Variants in SLCO1A2 observed in about 807,000 individuals in gnomAD.
SLCO1A2 encodes OATP-1.
In SLCO1A2, 67 loss-of-function variants were observed where a neutral mutation model predicts 69.0. The ratio of observed to expected loss-of-function variants is 0.97; its 90% CI spans 0.80 to 1.19. The LOEUF (loss-of-function observed/expected upper bound fraction) is 1.19. Among genes scored for constraint, SLCO1A2 ranks in the 50% most tolerant of loss-of-function variants. The pLI is 0.00. For missense variants in SLCO1A2, 787 were observed against 793.7 expected, an observed-to-expected ratio of 0.99 and a Z score of 0.10; for synonymous variants, 260 against 265.9, an observed-to-expected ratio of 0.98 and a Z score of 0.22.
intron 2 of SLCO1A2, among the ~76,000 whole-genome samples, chr12:21,345,027 T>C (rs115309986): frequency 0.011 from 1,652 of 152,068 alleles, 22 homozygotes; most frequent in African/African-American, 0.037. Context: ...GGTGGGTAAA[T>C]GTTACTTTTC....
At chr12:21,283,924 G>C (rs1016648602) in intron 12 of SLCO1A2, among the ~76,000 whole-genome samples, 1 of 152,150 alleles carries the variant, frequency 6.6e-6, no homozygotes, top group East Asian at 1.9e-4. Flanking sequence ...ATACTGGTGA[G>C]TATGTAGAGT....
intron 1 of SLCO1A2, among the ~76,000 whole-genome samples, chr12:21,382,493 T>C (rs1295612775): frequency 6.6e-6 from 1 of 152,004 alleles, no homozygotes; most frequent in African/African-American, 2.4e-5. Context: ...AAAGAAATGA[T>C]AATAAATTTT....
At chr12:21,372,027 G>A (rs1291909066) in intron 2 of SLCO1A2, among the ~76,000 whole-genome samples, 1 of 151,456 alleles carries the variant, frequency 6.6e-6, no homozygotes, top group African/African-American at 2.4e-5. Context: ...AAAAAAGAAA[G>A]AGAGAAAGAA....
chr12:21,415,316 T>C (rs929255806), intron 1 of SLCO1A2, among the ~76,000 whole-genome samples: 3 of 152,164 alleles, frequency 2.0e-5, no homozygotes, highest in African/African-American at 7.2e-5. Flanking sequence ...TGGGTTTTTG[T>C]GAATATATTT....
upstream of SLCO1A2, among the ~76,000 whole-genome samples, chr12:21,338,225 GA>G (rs1235400894): frequency 2.6e-5 from 4 of 151,954 alleles, no homozygotes; most frequent in African/African-American, 9.6e-5. Context: ...GTCTAGTTCT[GA>G]CTCCTCTATG....
chr12:21,338,278 A>G (rs1386645028), upstream of SLCO1A2, among the ~76,000 whole-genome samples: 1 of 151,840 alleles, frequency 6.6e-6, no homozygotes, highest in Non-Finnish European at 1.5e-5. Flanking sequence ...TCTACTGCCT[A>G]ATTGTAGTGA....
rs555578146 is a variant in SLCO1A2, at chr12:21,405,885, T to TA, written c.-312+11996dup. 9.9e-4 allele frequency among the ~76,000 whole-genome samples: 151 copies of TA among 152,322 alleles called. 1 individual carries two copies. Among genetic ancestry groups the TA allele is most frequent in the Middle Eastern group, 3.4e-3 (1 of 294 alleles). ...TGAGTAGCTGTTACCTTGGACAAGT[T>TA]AATTAACCTCATTTTTAAACATATA... is the stretch of plus-strand genomic sequence containing the variant. On this transcript the variant is annotated intron_variant, in intron 1 of 4. Coordinates refer to the SLCO1A2 transcript ENST00000413682.
intron 2 of SLCO1A2, among the ~76,000 whole-genome samples, chr12:21,355,496 A>G (rs1938293739): frequency 6.6e-6 from 1 of 152,152 alleles, no homozygotes; most frequent in African/African-American, 2.4e-5. Flanking sequence ...ATACTGATAC[A>G]AGGCCTAGGA....
intron 2 of SLCO1A2, among the ~76,000 whole-genome samples, chr12:21,339,996 G>A (rs1267272414): frequency 6.6e-6 from 1 of 151,884 alleles, no homozygotes; most frequent in Non-Finnish European, 1.5e-5. Flanking sequence ...AAATTAGCAT[G>A]CAATCAACAT....
At chr12:21,416,384 AC>A (rs1941989031) in intron 1 of SLCO1A2, among the ~76,000 whole-genome samples, 2 of 151,872 alleles carry the variant, frequency 1.3e-5, no homozygotes, top group African/African-American at 4.8e-5. Flanking sequence ...ACACACACAC[AC>A]AAAAGACAAT....
intron 2 of SLCO1A2, among the ~76,000 whole-genome samples, chr12:21,329,502 C>CTTT (rs76903379): frequency 7.0e-6 from 1 of 143,582 alleles, no homozygotes; most frequent in South Asian, 2.2e-4. Flanking sequence ...AATATTTTTG[C>CTTT]TTTTTTTTTT....
chr12:21,378,161 G>C, intron 1 of SLCO1A2: 1 of 1,314,436 alleles, frequency 7.6e-7, no homozygotes, highest in South Asian at 1.2e-5. Context: ...ATCAATACAA[G>C]ATATTTGATG....
chr12:21,338,856 TTTGAG>T (rs1405125729), upstream of SLCO1A2, among the ~76,000 whole-genome samples: 15 of 152,080 alleles, frequency 9.9e-5, no homozygotes, highest in African/African-American at 3.4e-4. Flanking sequence ...AATAAAATGA[TTTGAG>T]TTTTTTCCAA....
chr12:21,270,943 T>C (rs925474124), intron 14 of SLCO1A2, among the ~76,000 whole-genome samples: 5 of 151,712 alleles, frequency 3.3e-5, no homozygotes, highest in African/African-American at 1.2e-4. Flanking sequence ...CCCTCTATGG[T>C]ATATAGTCTA....
chr12:21,279,417 CG>C lies in SLCO1A2; in HGVS notation c.1611-3994del, dbSNP rs1372018605. Among the ~76,000 whole-genome samples the C allele has an allele frequency of 7.9e-5, 12 of 152,060 alleles. 1 individual carries two copies. Among genetic ancestry groups the C allele is most frequent in the Middle Eastern group, 3.2e-3 (1 of 316 alleles). On this transcript the variant is annotated intron_variant, in intron 12 of 14. Coordinates refer to ENST00000683939, the MANE Select transcript of SLCO1A2 (RefSeq NM_001386879.1). The stretch of plus-strand genomic sequence containing the variant: ...TTACCTCAAGGAATTCAATAAACCC[CG>C]CAAGGTCATGTATAAATAAACAATT...
intron 1 of SLCO1A2, chr12:21,378,673 T>A (rs989484898): frequency 2.6e-5 from 11 of 428,768 alleles, no homozygotes; most frequent in African/African-American, 2.0e-4. Context: ...AGAACGTCAT[T>A]TTGGGACCTA....
At chr12:21,312,056 AGAAGAAGAAGAG>A (rs767326735) in intron 4 of SLCO1A2, among the ~76,000 whole-genome samples, 96 of 132,792 alleles carry the variant, frequency 7.2e-4, no homozygotes, top group Non-Finnish European at 1.2e-3. Context: ...GAAGAGGAGG[AGAAGAAGAAGAG>A]GAAGAAGAAG....
At chr12:21,397,344 C>A (rs1204172267), upstream of SLCO1A2, among the ~76,000 whole-genome samples, 1 of 152,002 alleles carries the variant, frequency 6.6e-6, no homozygotes, top group Non-Finnish European at 1.5e-5. Context: ...ATATGTGCAC[C>A]CAATACAGGA....
At chr12:21,341,064 A>T (rs773532683) in intron 2 of SLCO1A2, among the ~76,000 whole-genome samples, 7 of 151,994 alleles carry the variant, frequency 4.6e-5, no homozygotes, top group Non-Finnish European at 1.0e-4. Context: ...ATTATTCCCA[A>T]CTTTAAAGAT....
Sources: allele counts gnomAD v4.1 joint callset (sites outside exome capture counted in the v4.1 genomes callset), GRCh38; gene constraint gnomAD v4.1.1; transcripts MANE v1.5; gene names NCBI Gene and HGNC (gene_info 2026-07-23, HGNC 2026-07-21).